Variants in AP1S3 observed in about 807,000 individuals in gnomAD.
AP1S3 encodes the protein AP-1 complex subunit sigma-3.
AP1S3 carries 10 observed loss-of-function variants against 20.9 expected under a neutral mutation model. The observed-to-expected ratio is 0.48, with a 90% confidence interval of 0.29 to 0.81. The LOEUF is 0.81. AP1S3 is among the 30% of genes least tolerant of loss of function. AP1S3 has a pLI of 0.08. For synonymous variants in AP1S3, 41 were observed against 61.5 expected (o/e 0.67, Z 1.56); for missense variants, 154 against 183.8 (o/e 0.84, Z 0.94).
In AP1S3 at chr2:223,758,568, A is replaced by T; in HGVS notation, c.*147T>A. 1 of 1,352,936 alleles carries T rather than the reference A, an allele frequency of 7.4e-7. No homozygotes were observed. 83.8% of individuals were successfully genotyped at this position (1,352,936 alleles called of 1,614,324 possible). A position where few individuals can be genotyped will look rare whatever the true frequency, so the allele number is the denominator to read the frequency against. ...CACATAGTAATTATAAATATGTTAA[A>T]CAACTTTAACTTTGTTAGTTAACAA... On this transcript the variant is annotated 3_prime_UTR_variant, in exon 5 of 5. Coordinates refer to ENST00000396654, the MANE Select transcript of AP1S3 (RefSeq NM_001039569.2).
intron 1 of AP1S3, among the ~76,000 whole-genome samples, chr2:223,836,404 C>T (rs1157007789): frequency 1.3e-5 from 2 of 152,184 alleles, no homozygotes; most frequent in African/African-American, 4.8e-5. Flanking sequence ...ACCCCCTATC[C>T]CCTGCCCTTA....
At chr2:223,791,834 T>C (rs928434861) in intron 1 of AP1S3, among the ~76,000 whole-genome samples, 7 of 151,990 alleles carry the variant, frequency 4.6e-5, no homozygotes, top group African/African-American at 1.7e-4. Context: ...TTCAGCAAAG[T>C]CTCAGGATAC....
intron 4 of AP1S3, among the ~76,000 whole-genome samples, chr2:223,763,767 G>C (rs749390413): frequency 6.6e-6 from 1 of 152,198 alleles, no homozygotes; most frequent in Non-Finnish European, 1.5e-5. Context: ...CCATTCACCA[G>C]AGGACTGATG....
rs1690221335 is a variant in AP1S3 at position 223,756,449 on chromosome 2, A to AAG, written c.*2265_*2266insCT. On this transcript the variant is annotated 3_prime_UTR_variant, in exon 5 of 5. Coordinates refer to ENST00000396654, the MANE Select transcript of AP1S3 (RefSeq NM_001039569.2). ...AGAAGAAGGAAGGAAGAAAGGAAGG[A>AAG]AAAGAAAGAAAGAAAGAAAAGAAAG... is the stretch of plus-strand genomic sequence containing the variant. 1.2e-6 allele frequency: 1 copy of AAG among 803,460 alleles called. No homozygotes were observed. The highest frequency in any genetic ancestry group is 1.9e-5 in the African/African-American group (1 of 53,164). 49.8% of individuals were successfully genotyped at this position (803,460 alleles called of 1,614,324 possible).
At chr2:223,784,008 TC>T (rs1184372014) in intron 1 of AP1S3, among the ~76,000 whole-genome samples, 5 of 152,034 alleles carry the variant, frequency 3.3e-5, no homozygotes, top group Admixed American at 1.3e-4. Flanking sequence ...GATCCTTACT[TC>T]CTCAGCCCTT....
At chr2:223,825,057 C>G (rs1692092091) in intron 1 of AP1S3, among the ~76,000 whole-genome samples, 1 of 151,862 alleles carries the variant, frequency 6.6e-6, no homozygotes. Context: ...CGCCTGTAAT[C>G]ACAGCACTTT....
rs148564367 is a variant in AP1S3 at position 223,761,328 on chromosome 2, G to A, written c.430-2578C>T. Among the ~76,000 whole-genome samples the A allele has an allele frequency of 1.9e-3, 286 of 152,256 alleles. 1 individual carries two copies. Among genetic ancestry groups the A allele is most frequent in the Non-Finnish European group, 3.4e-3 (228 of 68,006 alleles). On this transcript the variant is annotated intron_variant, in intron 4 of 4. Transcript: ENST00000396654. ...TGGCCTAGCTGTTAACATGGTTTACGCTTTTAAGGGTGACAGTGTTAGGGT... is the reference window on the plus strand; with the variant it reads ...TGGCCTAGCTGTTAACATGGTTTACACTTTTAAGGGTGACAGTGTTAGGGT...
chr2:223,772,783 C>T (rs1238213262), intron 3 of AP1S3, among the ~76,000 whole-genome samples: 1 of 152,014 alleles, frequency 6.6e-6, no homozygotes, highest in Non-Finnish European at 1.5e-5. Context: ...TATATAAGGG[C>T]AGAATTCAAG....
intron 1 of AP1S3, among the ~76,000 whole-genome samples, chr2:223,804,378 A>G (rs1020055014): frequency 1.3e-5 from 2 of 152,138 alleles, no homozygotes; most frequent in Non-Finnish European, 2.9e-5. Flanking sequence ...TTTCCAGGTC[A>G]TTGATTATAA....
chr2:223,764,238 G>A (rs1189857079), intron 4 of AP1S3, among the ~76,000 whole-genome samples: 3 of 152,142 alleles, frequency 2.0e-5, no homozygotes, highest in Non-Finnish European at 4.4e-5. Context: ...TTTTAAAAAG[G>A]TGCTTTACAA....
chr2:223,829,857 C>CA (rs1692218692), intron 1 of AP1S3, among the ~76,000 whole-genome samples: 1 of 148,546 alleles, frequency 6.7e-6, no homozygotes, highest in Non-Finnish European at 1.5e-5. Context: ...AAAAAAAAAA[C>CA]AAAAAAACAC....
In AP1S3 at chr2:223,758,656, G is replaced by A; in HGVS notation, c.*59C>T. The A allele has an allele frequency of 6.7e-7, 1 of 1,502,936 alleles. No individual in the cohort carries two copies. The highest frequency in any genetic ancestry group is 8.9e-7 in the Non-Finnish European group (1 of 1,125,312). The allele number at this position is 1,502,936 out of a possible 1,614,324, so 93.1% of individuals were successfully genotyped here. On this transcript the variant is annotated 3_prime_UTR_variant, in exon 5 of 5. Coordinates refer to ENST00000396654, the MANE Select transcript of AP1S3 (RefSeq NM_001039569.2). ...GCTCCATCAAAAAACCGGATGGGAG[G>A]CGTTGCTTATTTACAGCTTCATAAC... is the stretch of plus-strand genomic sequence containing the variant.
intron 1 of AP1S3, among the ~76,000 whole-genome samples, chr2:223,822,279 C>T (rs1043489783): frequency 6.6e-6 from 1 of 151,972 alleles, no homozygotes; most frequent in African/African-American, 2.4e-5. Context: ...GTAGTCCCAG[C>T]TACTCGGGAG....
At chr2:223,801,691 G>A (rs1055770076) in intron 1 of AP1S3, among the ~76,000 whole-genome samples, 3 of 152,036 alleles carry the variant, frequency 2.0e-5, no homozygotes, top group Non-Finnish European at 2.9e-5. Flanking sequence ...TGGTCTGCCC[G>A]CCTCGGCCTC....
Position 223,777,969 on chromosome 2 carries a change from A to G in AP1S3, c.4-100T>C, listed in dbSNP as rs1690829865. On this transcript the variant is annotated intron_variant, in intron 1 of 4. Transcript: ENST00000396654. ...AATGATGGATTTACACAGAAAGATA[A>G]TTCTGAACGGATGAAAAAATTCTTA... The G allele has an allele frequency of 2.8e-6, 3 of 1,059,226 alleles. No individual in the cohort carries two copies. In the East Asian group the frequency reaches 7.8e-5, roughly 28 times the overall value. 65.6% of individuals were successfully genotyped at this position (1,059,226 alleles called of 1,614,324 possible).
chr2:223,809,540 G>A (rs1227401441), intron 1 of AP1S3, among the ~76,000 whole-genome samples: 1 of 151,800 alleles, frequency 6.6e-6, no homozygotes, highest in Non-Finnish European at 1.5e-5. Flanking sequence ...AGCTACTCGG[G>A]AGGCTGAGGC....
intron 3 of AP1S3, among the ~76,000 whole-genome samples, chr2:223,771,829 G>A (rs533098967): frequency 3.7e-4 from 57 of 152,254 alleles, no homozygotes; most frequent in East Asian, 5.8e-4. Flanking sequence ...AGAATAGGCC[G>A]GGCACAGTGG....
intron 4 of AP1S3, among the ~76,000 whole-genome samples, chr2:223,763,948 GTCTCGCTCTGT>G (rs1254204289): frequency 6.6e-6 from 1 of 152,160 alleles, no homozygotes; most frequent in African/African-American, 2.4e-5. Context: ...TTGAGATGGA[GTCTCGCTCTGT>G]CACCCAGGTG....
At chr2:223,835,425 T>C (rs936432520) in intron 1 of AP1S3, among the ~76,000 whole-genome samples, 1 of 152,132 alleles carries the variant, frequency 6.6e-6, no homozygotes. Flanking sequence ...GGGAGGCCGA[T>C]GCAGGTGGAT....
Sources: gnomAD v4.1 joint callset for allele counts (sites outside exome capture counted in the v4.1 genomes callset) on GRCh38, gnomAD v4.1.1 for gene constraint, MANE v1.5 for transcripts, NCBI Gene and HGNC (gene_info 2026-07-23, HGNC 2026-07-21) for gene names.